The following SGCD variants were observed in gnomAD, a reference collection of about 807,000 sequenced individuals.
SGCD encodes sarcoglycan delta.
SGCD carries 18 observed loss-of-function variants against 36.6 expected under a neutral mutation model. The observed-to-expected ratio is 0.49, with a 90% CI of 0.34 to 0.73. The LOEUF is 0.73. Ranked by LOEUF, SGCD falls within the 30% of genes least tolerant of loss-of-function variation. The pLI, the probability that SGCD is intolerant of heterozygous loss-of-function variation, is 0.01. For synonymous variants in SGCD, 133 were observed against 130.6 expected, an observed-to-expected ratio of 1.02 and a Z score of -0.12; for missense variants, 387 against 346.7, an observed-to-expected ratio of 1.12 and a Z score of -0.92.
At chr5:155,880,398 T>G (rs550380765) in intron 1 of SGCD, among the ~76,000 whole-genome samples, 2 of 152,292 alleles carry the variant, frequency 1.3e-5, no homozygotes, top group African/African-American at 4.8e-5. Flanking sequence ...GACTTAACTA[T>G]TGAGTGAATG....
intron 3 of SGCD, among the ~76,000 whole-genome samples, chr5:156,143,015 C>T (rs1351459287): frequency 1.3e-5 from 2 of 152,194 alleles, no homozygotes; most frequent in East Asian, 3.8e-4. Flanking sequence ...GTTGAAGAAA[C>T]CCTTCCCATC....
At chr5:155,752,442 T>C in the SGCD span, among the ~76,000 whole-genome samples, 1 of 152,244 alleles carries the variant, frequency 6.6e-6, no homozygotes, top group East Asian at 1.9e-4. Context: ...CCATCCTCTT[T>C]CCCTTGGTAC....
chr5:156,116,001 G>A (rs1761896640), intron 1 of SGCD, among the ~76,000 whole-genome samples: 1 of 152,124 alleles, frequency 6.6e-6, no homozygotes, highest in East Asian at 1.9e-4. Flanking sequence ...AGCAGTCATT[G>A]ATAATTATTG....
chr5:155,971,741 T>A (rs891588193), intron 1 of SGCD, among the ~76,000 whole-genome samples: 1 of 152,104 alleles, frequency 6.6e-6, no homozygotes. Flanking sequence ...ACCTGTTGAG[T>A]GTCCTATAGT....
At chr5:156,192,502 A>T (rs1426672221) in intron 3 of SGCD, among the ~76,000 whole-genome samples, 1 of 152,082 alleles carries the variant, frequency 6.6e-6, no homozygotes, top group African/African-American at 2.4e-5. Flanking sequence ...GAATGAAGAG[A>T]GGTAAGTTAA....
chr5:156,110,771 C>G (rs1296205182), intron 1 of SGCD, among the ~76,000 whole-genome samples: 1 of 151,828 alleles, frequency 6.6e-6, no homozygotes, highest in African/African-American at 2.4e-5. Flanking sequence ...GAGTAATATC[C>G]AGTGATTTTC....
chr5:155,998,472 C>T (rs10063307), intron 1 of SGCD, among the ~76,000 whole-genome samples: 7,511 of 152,034 alleles, frequency 0.049, 618 homozygotes, highest in African/African-American at 0.17. Context: ...GGTAATTTTC[C>T]CTTCTTCCTG....
chr5:156,326,327 G>A (rs950940608), upstream of SGCD, among the ~76,000 whole-genome samples: 18 of 152,266 alleles, frequency 1.2e-4, no homozygotes, highest in Admixed American at 3.9e-4. Flanking sequence ...GAATTAGGAC[G>A]CATTCTGATT....
intron 1 of SGCD, among the ~76,000 whole-genome samples, chr5:156,069,848 C>G (rs555006860): frequency 2.0e-5 from 3 of 152,042 alleles, no homozygotes; most frequent in African/African-American, 7.3e-5. Context: ...TCCTTCACGT[C>G]CCTTGTAAGT....
intron 1 of SGCD, among the ~76,000 whole-genome samples, chr5:156,022,747 AT>A (rs1263666985): frequency 1.3e-5 from 2 of 151,868 alleles, no homozygotes; most frequent in Non-Finnish European, 2.9e-5. Flanking sequence ...ATTCATTGTC[AT>A]TTTGCCTTTT....
chr5:156,344,759 T>C, intron 3 of SGCD, 82 bp downstream of exon 3: 1 of 1,137,130 alleles, frequency 8.8e-7, no homozygotes, highest in South Asian at 1.5e-5. Flanking sequence ...TGTGGAAAAG[T>C]GATATTATTA....
chr5:156,737,894 C>A (rs918889305), intron 7 of SGCD, among the ~76,000 whole-genome samples: 1 of 152,170 alleles, frequency 6.6e-6, no homozygotes, highest in Non-Finnish European at 1.5e-5. Flanking sequence ...GTGGCTAACT[C>A]AATGACAGGC....
the SGCD span, among the ~76,000 whole-genome samples, chr5:155,736,979 C>G: frequency 2.0e-5 from 3 of 152,094 alleles, no homozygotes; most frequent in Non-Finnish European, 4.4e-5. Context: ...TTTCCTTTTC[C>G]CTATTCCCAA....
intron 3 of SGCD, among the ~76,000 whole-genome samples, chr5:156,307,533 G>A (rs981946152): frequency 1.9e-4 from 11 of 57,412 alleles, no homozygotes; most frequent in Non-Finnish European, 3.5e-4. Flanking sequence ...GATTCTTCTT[G>A]TCTGTATACA....
At chr5:156,531,574 G>A (rs1280069105) in intron 4 of SGCD, among the ~76,000 whole-genome samples, 1 of 152,110 alleles carries the variant, frequency 6.6e-6, no homozygotes. Flanking sequence ...CACATCACAG[G>A]GTCGGTGGTC....
chr5:155,936,662 G>A (rs1366219636), intron 1 of SGCD, among the ~76,000 whole-genome samples: 2 of 152,218 alleles, frequency 1.3e-5, no homozygotes, highest in African/African-American at 2.4e-5. Context: ...TTCCCACTCT[G>A]GTCCACGGAA....
At chr5:156,430,308 C>G (rs1464022848) in intron 3 of SGCD, among the ~76,000 whole-genome samples, 1 of 152,086 alleles carries the variant, frequency 6.6e-6, no homozygotes, top group Non-Finnish European at 1.5e-5. Flanking sequence ...ACTGTTGAAA[C>G]TTTCCACTTT....
intron 1 of SGCD, among the ~76,000 whole-genome samples, chr5:156,081,663 GGATTACAGACAT>G (rs1419560764): frequency 2.0e-5 from 3 of 152,066 alleles, no homozygotes; most frequent in African/African-American, 7.2e-5. Context: ...CAAAGTGCCA[GGATTACAGACAT>G]GAGCCACTGT....
rs181175184 is a variant in SGCD at position 156,629,662 on chromosome 5, G to T, written c.503-17802G>T. 1.7e-4 allele frequency among the ~76,000 whole-genome samples: 26 copies of T among 152,228 alleles called. No homozygotes were observed. The East Asian group carries it at 4.8e-3, about 28-fold the overall frequency. On this transcript the variant is annotated intron_variant, in intron 6 of 8. Coordinates refer to ENST00000337851, the MANE Select transcript of SGCD (RefSeq NM_000337.6). ...AGATAGTAAATATTTTAGGTTTATGGACCACAGGGTCTCTGTTGCAGCTAC... is the reference window on the plus strand; with the variant it reads ...AGATAGTAAATATTTTAGGTTTATGTACCACAGGGTCTCTGTTGCAGCTAC...
Sources: allele counts gnomAD v4.1 joint callset (sites outside exome capture counted in the v4.1 genomes callset), GRCh38; gene constraint gnomAD v4.1.1; transcripts MANE v1.5; gene names NCBI Gene and HGNC (gene_info 2026-07-23, HGNC 2026-07-21).